CFAP47: variants seen among roughly 807,000 people sequenced by gnomAD.
The protein encoded by CFAP47 is cilia and flagella associated protein 47.
CFAP47 carries 29 observed loss-of-function variants against 148.1 expected under a neutral mutation model. The ratio of observed to expected loss-of-function variants is 0.20; its 90% CI spans 0.15 to 0.27. The LOEUF is 0.27. Ranked by LOEUF, CFAP47 falls within the 10% of genes least tolerant of loss-of-function variation. The probability of loss-of-function intolerance (pLI) is 1.00; values close to 1 mark genes in which losing one functional copy is unlikely to be tolerated. For synonymous variants in CFAP47, 664 were observed against 577.3 expected (o/e 1.15, Z -2.15); for missense variants, 1,872 against 1,697.5 (o/e 1.10, Z -1.81).
chrX:36,172,761 T>C (rs1331541571), intron 39 of CFAP47, among the ~76,000 whole-genome samples: 1 of 111,664 alleles, frequency 9.0e-6, no homozygotes, highest in Non-Finnish European at 1.9e-5. Context: ...TAAAATTCTC[T>C]TTTTTGGTTG....
chrX:36,173,599 G>A lies in CFAP47; in HGVS notation c.6027-5746G>A, dbSNP rs191761122. ...GAGCAGGTTGTTCAGTTTCCATGTA[G>A]TTGAGCGGTTTTGAGTGAGATTCTT... On this transcript the variant is annotated intron_variant, in intron 39 of 63. Transcript: ENST00000378653. Among the ~76,000 whole-genome samples the A allele has an allele frequency of 3.4e-3, 377 of 111,687 alleles. 4 individuals are homozygous for A. The highest frequency in any genetic ancestry group is 0.012 in the African/African-American group (358 of 30,584).
chrX:35,987,862 G>A lies in CFAP47; in HGVS notation c.2714-1457G>A, dbSNP rs886634162. On this transcript the variant is annotated intron_variant, in intron 15 of 63. Transcript: ENST00000378653. The stretch of plus-strand genomic sequence containing the variant: ...CACGGCTTCCCTTGGCTAGGGGAGG[G>A]AGTTTCCCGACCACTTGTGCTTCCC... Among the ~76,000 whole-genome samples the A allele has an allele frequency of 4.7e-4, 52 of 111,493 alleles. 1 individual carries two copies. Among genetic ancestry groups the A allele is most frequent in the Admixed American group, 3.9e-3 (41 of 10,541 alleles).
At chrX:36,217,211 A>G (rs1351013474) in intron 45 of CFAP47, among the ~76,000 whole-genome samples, 1 of 111,701 alleles carries the variant, frequency 9.0e-6, no homozygotes, top group African/African-American at 3.3e-5. Flanking sequence ...TTTGTGATAC[A>G]TTTATTTCTG....
intron 2 of CFAP47, among the ~76,000 whole-genome samples, chrX:35,934,648 C>A (rs1346973863): frequency 9.0e-6 from 1 of 110,975 alleles, no homozygotes; most frequent in Non-Finnish European, 1.9e-5. Flanking sequence ...CTGTAGCCAC[C>A]ACAGCTGGGA....
At chrX:35,929,888 A>G (rs912501498) in intron 2 of CFAP47, among the ~76,000 whole-genome samples, 2 of 110,976 alleles carry the variant, frequency 1.8e-5, no homozygotes, top group Admixed American at 1.9e-4. Flanking sequence ...AATCTCAGCT[A>G]CTTGGAAGGC....
At position 36,312,856 on chromosome X, in the gene CFAP47, A is replaced by C. The variant is rs782040405; in HGVS notation, c.8344+1867A>C. 3.0e-4 allele frequency among the ~76,000 whole-genome samples: 33 copies of C among 111,359 alleles called. No individual in the cohort carries two copies. The South Asian group carries it at 0.012, about 41-fold the overall frequency. On this transcript the variant is annotated intron_variant, in intron 56 of 63. Transcript: ENST00000378653. ...TCCCCCTTCTTCCTTAAACCTGAGG[A>C]GATATGAGACAAAGGAAGATTCACA...
At chrX:36,071,629 T>A (rs1331564303) in intron 27 of CFAP47, among the ~76,000 whole-genome samples, 196 bp from the exon 28 acceptor site, 3 of 112,308 alleles carry the variant, frequency 2.7e-5, no homozygotes, top group African/African-American at 9.7e-5. Flanking sequence ...TGTATCAACT[T>A]TTATCTTTTT....
intron 42 of CFAP47, among the ~76,000 whole-genome samples, chrX:36,195,519 G>A (rs868909736): frequency 3.6e-5 from 4 of 111,779 alleles, no homozygotes; most frequent in African/African-American, 1.3e-4. Flanking sequence ...AATAGGCAGG[G>A]CCTGATTTCA....
chrX:36,097,116 G>A (rs750433081), intron 30 of CFAP47, among the ~76,000 whole-genome samples: 6 of 111,420 alleles, frequency 5.4e-5, no homozygotes, highest in Admixed American at 9.5e-5. Context: ...AGAAACAAGC[G>A]AAAAGAAAAC....
intron 51 of CFAP47, among the ~76,000 whole-genome samples, chrX:36,286,014 C>T (rs1267243153): frequency 9.0e-6 from 1 of 111,328 alleles, no homozygotes; most frequent in Non-Finnish European, 1.9e-5. Context: ...CATGTTTGTT[C>T]ACACATAGAT....
intron 57 of CFAP47, among the ~76,000 whole-genome samples, chrX:36,323,337 G>A (rs1941492252): frequency 9.2e-6 from 1 of 108,907 alleles, no homozygotes; most frequent in Non-Finnish European, 1.9e-5. Flanking sequence ...GGTTTCCTAG[G>A]CCTTTTTTTT....
intron 30 of CFAP47, among the ~76,000 whole-genome samples, chrX:36,098,123 A>G (rs1427370294): frequency 9.0e-6 from 1 of 111,676 alleles, no homozygotes; most frequent in African/African-American, 3.3e-5. Flanking sequence ...TGCCAATTAC[A>G]TTTTTCAACT....
chrX:35,931,036 T>A (rs1935818561), intron 2 of CFAP47, among the ~76,000 whole-genome samples: 1 of 111,631 alleles, frequency 9.0e-6, no homozygotes, highest in Non-Finnish European at 1.9e-5. Context: ...TTTGAGAAAA[T>A]CTCTCATTTC....
intron 42 of CFAP47, among the ~76,000 whole-genome samples, chrX:36,198,019 T>C (rs1254272221): frequency 8.9e-6 from 1 of 111,744 alleles, no homozygotes; most frequent in Non-Finnish European, 1.9e-5. Context: ...TTTTAGAATA[T>C]GTATTTTTTG....
At chrX:36,113,413 C>A (rs1180607560) in intron 33 of CFAP47, among the ~76,000 whole-genome samples, 10 of 111,467 alleles carry the variant, frequency 9.0e-5, no homozygotes, top group Non-Finnish European at 1.1e-4. Flanking sequence ...TGAATATTGG[C>A]CCCCCATCTT....
intron 45 of CFAP47, chrX:36,211,623 GC>G (rs1940101562): frequency 1.1e-5 from 2 of 185,629 alleles, no homozygotes; most frequent in Admixed American, 6.3e-5. Context: ...GCCTGATGCA[GC>G]AAAAAAAAGG....
chrX:36,048,315 G>A (rs1028626719), intron 26 of CFAP47, among the ~76,000 whole-genome samples: 10 of 111,752 alleles, frequency 8.9e-5, no homozygotes, highest in African/African-American at 2.9e-4. Flanking sequence ...AAAGAAAGGG[G>A]GCAAATCCTT....
intron 49 of CFAP47, among the ~76,000 whole-genome samples, chrX:36,254,393 C>T (rs1289071007): frequency 9.0e-6 from 1 of 111,162 alleles, no homozygotes; most frequent in African/African-American, 3.3e-5. Flanking sequence ...CATTTTAGGG[C>T]AGAGTTTTGT....
At chrX:36,067,715 T>A (rs1164510058) in intron 27 of CFAP47, among the ~76,000 whole-genome samples, 1 of 103,266 alleles carries the variant, frequency 9.7e-6, no homozygotes, top group Non-Finnish European at 2.0e-5. Flanking sequence ...TAGGCTGGAG[T>A]GCAGTGGCAT....
Sources: allele counts gnomAD v4.1 joint callset (sites outside exome capture counted in the v4.1 genomes callset), GRCh38; gene constraint gnomAD v4.1.1; transcripts MANE v1.5; gene names NCBI Gene and HGNC (gene_info 2026-07-23, HGNC 2026-07-21).